Variants in SOX5 observed in about 807,000 individuals in gnomAD.
SOX5 encodes SRY-box transcription factor 5.
Under a neutral mutation model 92.0 loss-of-function variants are expected in SOX5, and 9 were observed. That is an observed-to-expected ratio of 0.10 (90% CI 0.06 to 0.17). The LOEUF (loss-of-function observed/expected upper bound fraction) is 0.17. Ranked by LOEUF, SOX5 falls within the 10% of genes least tolerant of loss-of-function variation. The probability of loss-of-function intolerance (pLI) is 1.00; values close to 1 mark genes in which losing one functional copy is unlikely to be tolerated. For missense variants in SOX5, 642 were observed against 944.5 expected, an observed-to-expected ratio of 0.68 and a Z score of 4.20; for synonymous variants, 344 against 336.3, an observed-to-expected ratio of 1.02 and a Z score of -0.25.
At chr12:24,240,399 T>G (rs1346074150) in intron 3 of SOX5, among the ~76,000 whole-genome samples, 1 of 152,190 alleles carries the variant, frequency 6.6e-6, no homozygotes. Context: ...TAAAACCACA[T>G]TTCCCAAAAC....
chr12:24,384,216 G>A (rs1400938332), intron 1 of SOX5, among the ~76,000 whole-genome samples: 1 of 152,100 alleles, frequency 6.6e-6, no homozygotes, highest in South Asian at 2.1e-4. Flanking sequence ...TTCTCATAAG[G>A]AGTGCACAAC....
intron 3 of SOX5, among the ~76,000 whole-genome samples, chr12:23,824,439 A>T (rs552374786): frequency 6.6e-6 from 1 of 152,334 alleles, no homozygotes; most frequent in African/African-American, 2.4e-5. Context: ...CCTGGTTATC[A>T]CCAGCTGAGG....
chr12:23,761,098 T>C lies in SOX5; in HGVS notation c.482-5374A>G, dbSNP rs556553266. 3.5e-4 allele frequency among the ~76,000 whole-genome samples: 54 copies of C among 152,242 alleles called. 1 individual carries two copies. The South Asian group carries it at 0.011, about 30-fold the overall frequency. On this transcript the variant is annotated intron_variant, in intron 3 of 14. Transcript: ENST00000451604. ...ACATTGAGGAATGGAAGTTGTCTTC[T>C]GGAGGTAACTAGATTTCAAAATATA...
At chr12:24,024,760 C>T (rs1257530181) in intron 4 of SOX5, among the ~76,000 whole-genome samples, 2 of 151,988 alleles carry the variant, frequency 1.3e-5, no homozygotes, top group African/African-American at 4.8e-5. Context: ...AACCTTTAAT[C>T]TCCATAACAT....
At chr12:23,664,395 T>G (rs947781566) in intron 7 of SOX5, among the ~76,000 whole-genome samples, 1 of 141,402 alleles carries the variant, frequency 7.1e-6, no homozygotes, top group African/African-American at 2.7e-5. Flanking sequence ...AAAATAATAT[T>G]TCACTATTTT....
At chr12:23,840,794 A>G (rs903952821) in intron 3 of SOX5, among the ~76,000 whole-genome samples, 4 of 152,144 alleles carry the variant, frequency 2.6e-5, no homozygotes, top group Non-Finnish European at 5.9e-5. Context: ...ACAAAAACAA[A>G]TTGAATGAAT....
chr12:24,210,467 A>C (rs956894051), intron 4 of SOX5, among the ~76,000 whole-genome samples: 2 of 152,212 alleles, frequency 1.3e-5, no homozygotes, highest in Non-Finnish European at 2.9e-5. Context: ...AATTATAATA[A>C]AAGAGTTACA....
rs377347370 is a variant in SOX5 at position 24,305,661 on chromosome 12, G to A, written c.-173-28349C>T. ...CGCCCAGGCTGGAGTGCAGTGGCGCGATCGCGGCTCACTGTAACTTCTGCC... is the reference window on the plus strand; with the variant it reads ...CGCCCAGGCTGGAGTGCAGTGGCGCAATCGCGGCTCACTGTAACTTCTGCC... On this transcript the variant is annotated intron_variant, in intron 2 of 4. Coordinates refer to the SOX5 transcript ENST00000446891. 2.9e-4 allele frequency among the ~76,000 whole-genome samples: 44 copies of A among 152,212 alleles called. No homozygotes were observed. In the East Asian group the frequency reaches 7.0e-3, roughly 24 times the overall value.
chr12:24,135,539 A>C (rs1950037874), intron 4 of SOX5, among the ~76,000 whole-genome samples: 1 of 152,246 alleles, frequency 6.6e-6, no homozygotes, highest in Non-Finnish European at 1.5e-5. Flanking sequence ...GTGAAAGATA[A>C]ATGAGAATAA....
At chr12:23,770,611 G>C (rs181852581) in intron 3 of SOX5, among the ~76,000 whole-genome samples, 9 of 151,840 alleles carry the variant, frequency 5.9e-5, no homozygotes, top group Admixed American at 2.0e-4. Flanking sequence ...GAAATTCTCT[G>C]AACGGTATTC....
rs1217319536 is a variant in SOX5 at position 23,645,682 on chromosome 12, TA to T, written c.932-4786del. ...ATAATACAGATTATTCCATAAAATT[TA>T]AAAATATGCATATGTTATAATCTTT... On this transcript the variant is annotated intron_variant, in intron 7 of 14. Transcript: ENST00000451604. Among the ~76,000 whole-genome samples, 3 of 152,318 alleles carry T rather than the reference TA, an allele frequency of 2.0e-5. No homozygotes were observed. The South Asian group carries it at 6.2e-4, about 32-fold the overall frequency.
At chr12:24,325,859 G>A (rs1221312222) in intron 2 of SOX5, among the ~76,000 whole-genome samples, 1 of 152,190 alleles carries the variant, frequency 6.6e-6, no homozygotes, top group Non-Finnish European at 1.5e-5. Flanking sequence ...CTTTAGGTAA[G>A]GGTGATAATA....
At chr12:24,536,773 A>G (rs17285155) in intron 1 of SOX5, among the ~76,000 whole-genome samples, 3,086 of 152,314 alleles carry the variant, frequency 0.02, 46 homozygotes, top group South Asian at 0.054. Context: ...ATTCTTCATC[A>G]CTACATTAAA....
chr12:24,519,809 T>C (rs574115937), intron 1 of SOX5, among the ~76,000 whole-genome samples: 1 of 152,268 alleles, frequency 6.6e-6, no homozygotes, highest in African/African-American at 2.4e-5. Flanking sequence ...CTTGGAAATG[T>C]AAATCCAGAT....
chr12:23,947,728 G>A (rs1047354794), intron 1 of SOX5, among the ~76,000 whole-genome samples: 38 of 151,300 alleles, frequency 2.5e-4, no homozygotes, highest in African/African-American at 8.7e-4. Flanking sequence ...TTCCCACCAG[G>A]AGGAAAAAAG....
chr12:23,918,323 G>C (rs1180283426), intron 1 of SOX5, among the ~76,000 whole-genome samples: 1 of 151,978 alleles, frequency 6.6e-6, no homozygotes, highest in East Asian at 1.9e-4. Flanking sequence ...TCTAATTCGG[G>C]GTAACAACGG....
chr12:24,342,030 G>A (rs575387512), intron 2 of SOX5, among the ~76,000 whole-genome samples: 17 of 152,212 alleles, frequency 1.1e-4, no homozygotes, highest in East Asian at 1.9e-4. Flanking sequence ...ATTGACCCTC[G>A]TGGACACACA....
At chr12:24,260,229 T>C (rs1941887630) in intron 3 of SOX5, among the ~76,000 whole-genome samples, 1 of 152,158 alleles carries the variant, frequency 6.6e-6, no homozygotes, top group African/African-American at 2.4e-5. Context: ...ACTGATTCGC[T>C]GACGAGGAGC....
At chr12:23,767,237 CACACACACACAT>C (rs2094765107) in intron 3 of SOX5, among the ~76,000 whole-genome samples, 2 of 140,730 alleles carry the variant, frequency 1.4e-5, no homozygotes, top group South Asian at 4.9e-4. Context: ...CACACACACA[CACACACACACAT>C]ATATATATTC....
Sources: gnomAD v4.1 joint callset for allele counts (sites outside exome capture counted in the v4.1 genomes callset) on GRCh38, gnomAD v4.1.1 for gene constraint, MANE v1.5 for transcripts, NCBI Gene and HGNC (gene_info 2026-07-23, HGNC 2026-07-21) for gene names.